The following SRL variants were observed in gnomAD, a reference collection of about 807,000 sequenced individuals.
SRL encodes sarcalumenin.
A neutral mutation model predicts 39.5 loss-of-function variants in SRL; 23 were observed. The observed-to-expected ratio is 0.58, with a 90% CI of 0.42 to 0.82. The LOEUF (loss-of-function observed/expected upper bound fraction) is 0.82. Ranked by LOEUF, SRL falls within the 40% of genes least tolerant of loss-of-function variation. The pLI is 0.00. For synonymous variants in SRL, 272 were observed against 237.4 expected, an observed-to-expected ratio of 1.15 and a Z score of -1.34; for missense variants, 592 against 607.8, an observed-to-expected ratio of 0.97 and a Z score of 0.27.
intron 3 of SRL, among the ~76,000 whole-genome samples, chr16:4,200,232 A>G (rs1426118357): frequency 1.3e-5 from 2 of 152,226 alleles, no homozygotes; most frequent in African/African-American, 2.4e-5. Flanking sequence ...GCTGGGGGCC[A>G]GGAAGGGATA....
At chr16:4,213,080 C>T (rs190775088) in intron 1 of SRL, among the ~76,000 whole-genome samples, 1 of 152,088 alleles carries the variant, frequency 6.6e-6, no homozygotes, top group African/African-American at 2.4e-5. Context: ...AATATATGAA[C>T]CTTAGTCTGG....
intron 1 of SRL, among the ~76,000 whole-genome samples, chr16:4,223,552 A>T (rs1387261987): frequency 1.1e-4 from 16 of 143,670 alleles, no homozygotes; most frequent in Non-Finnish European, 1.8e-4. Flanking sequence ...AGGTTTTTAA[A>T]TTTTTTTTTT....
rs183497865 is a variant in SRL, at chr16:4,202,193, T to C, written c.259+973A>G. Among the ~76,000 whole-genome samples the C allele has an allele frequency of 2.2e-3, 339 of 152,298 alleles. 2 individuals are homozygous for C. Among genetic ancestry groups the C allele is most frequent in the African/African-American group, 7.9e-3 (328 of 41,564 alleles). On this transcript the variant is annotated intron_variant, in intron 3 of 5. Coordinates refer to ENST00000399609, the MANE Select transcript of SRL (RefSeq NM_001098814.2). Reference sequence around the variant, plus strand: ...ACACAGCTCACCTAACAGGATCCCATGTTTGTAAAAACAAAAAACAACATC... The same window carrying C: ...ACACAGCTCACCTAACAGGATCCCACGTTTGTAAAAACAAAAAACAACATC...
chr16:4,224,402 T>G (rs1485770298), intron 1 of SRL, among the ~76,000 whole-genome samples: 1 of 151,970 alleles, frequency 6.6e-6, no homozygotes, highest in Non-Finnish European at 1.5e-5. Context: ...TACAAGATAT[T>G]TCTAATTATA....
chr16:4,202,541 C>T (rs57035656), intron 3 of SRL, among the ~76,000 whole-genome samples: 7,424 of 150,510 alleles, frequency 0.049, 616 homozygotes, highest in African/African-American at 0.17. Context: ...TGCAGTGAGC[C>T]GAGATTGCGC....
At chr16:4,218,957 C>A (rs1239545910) in intron 1 of SRL, among the ~76,000 whole-genome samples, 6 of 152,272 alleles carry the variant, frequency 3.9e-5, no homozygotes. Context: ...ATTTTTCAAC[C>A]TTCTTTCCCA....
chr16:4,192,087 AG>A lies in SRL; in HGVS notation c.*65del, dbSNP rs1463029789. ...GTGTGGCTCAAAGGGTTAATAAACC[AG>A]GACCTCTCAGACAGTTAGGACACAA... On this transcript the variant is annotated 3_prime_UTR_variant, in exon 6 of 6. Coordinates refer to ENST00000399609, the MANE Select transcript of SRL (RefSeq NM_001098814.2). This position sits in a 1 kb window ranked among gnomAD's most constrained non-coding sequence, Gnocchi z 4.0. The A allele has an allele frequency of 6.8e-7, 1 of 1,475,582 alleles. No individual in the cohort carries two copies. Among genetic ancestry groups the A allele is most frequent in the Non-Finnish European group, 9.1e-7 (1 of 1,096,964 alleles). The allele number at this position is 1,475,582 out of a possible 1,614,324, so 91.4% of individuals were successfully genotyped here.
intron 1 of SRL, chr16:4,208,020 T>A (rs1487794352): frequency 2.2e-6 from 1 of 456,592 alleles, no homozygotes; most frequent in Non-Finnish European, 4.4e-6. Context: ...TTCTTTCTCC[T>A]CTAGACTTGC....
intron 1 of SRL, among the ~76,000 whole-genome samples, chr16:4,235,854 C>T (rs752728943): frequency 1.3e-5 from 2 of 152,228 alleles, no homozygotes; most frequent in East Asian, 1.9e-4. Flanking sequence ...CTTGGGAGGC[C>T]GAGGTGAGCG....
chr16:4,218,419 A>T (rs2052485655), intron 1 of SRL, among the ~76,000 whole-genome samples: 1 of 152,038 alleles, frequency 6.6e-6, no homozygotes, highest in South Asian at 2.1e-4. Flanking sequence ...CCTCATCCTC[A>T]TGGTAAGTGA....
intron 1 of SRL, 33 bp downstream of exon 1, chr16:4,241,974 G>C (rs1407502613): frequency 6.2e-7 from 1 of 1,612,824 alleles, no homozygotes; most frequent in African/African-American, 1.3e-5. Context: ...TGGGGGACCA[G>C]TCTGGGCTGG....
chr16:4,238,606 C>T (rs887910859), intron 1 of SRL, among the ~76,000 whole-genome samples: 1 of 151,836 alleles, frequency 6.6e-6, no homozygotes, highest in African/African-American at 2.4e-5. Context: ...TTCCACAGGC[C>T]ACCATGCCCG....
chr16:4,224,055 G>A (rs2052560092), intron 1 of SRL, among the ~76,000 whole-genome samples: 1 of 151,984 alleles, frequency 6.6e-6, no homozygotes, highest in Non-Finnish European at 1.5e-5. Flanking sequence ...TACCATGGAT[G>A]GAACTCTAGT....
chr16:4,240,242 A>T (rs1228021903), intron 1 of SRL, among the ~76,000 whole-genome samples: 4 of 152,156 alleles, frequency 2.6e-5, no homozygotes, highest in Admixed American at 2.6e-4. Flanking sequence ...GAAAGAGGTC[A>T]GGAGCCAAGA....
intron 5 of SRL, among the ~76,000 whole-genome samples, chr16:4,194,673 C>T (rs1285788299): frequency 6.6e-6 from 1 of 152,170 alleles, no homozygotes; most frequent in Non-Finnish European, 1.5e-5. Context: ...CTCAGAGCTG[C>T]TTGCAGAGAG....
At chr16:4,234,025 C>T (rs545991904) in intron 1 of SRL, among the ~76,000 whole-genome samples, 3 of 152,154 alleles carry the variant, frequency 2.0e-5, no homozygotes, top group Non-Finnish European at 2.9e-5. Flanking sequence ...TATGGGGTCT[C>T]GCTCTGTTGC....
Position 4,192,759 on chromosome 16 carries a change from G to C in SRL, c.816C>G (p.Leu272=). 1 of 1,614,192 alleles carries C rather than the reference G, an allele frequency of 6.2e-7. No homozygotes were observed. The highest frequency in any genetic ancestry group is 8.5e-7 in the Non-Finnish European group (1 of 1,180,042). Residue 272 remains leucine, a synonymous_variant, in exon 6 of 6, where the codon CTC becomes CTG. Coordinates refer to ENST00000399609, the MANE Select transcript of SRL (RefSeq NM_001098814.2). The surrounding 1 kb of genome is among the most constrained non-coding windows in gnomAD (Gnocchi z 4.0). ...TGATGAGAGGGGCCAAGCTCCAGAA[G>C]AGGGCCCCGTAAACCCGCATGAGCA... is the stretch of plus-strand genomic sequence containing the variant. The part of the protein sequence containing the change: ...TQMLMRVYGA[L]FWSLAPLINV...
At position 4,192,631 on chromosome 16, in the gene SRL, A is replaced by G; in HGVS notation, c.944T>C (p.Leu315Pro). ...ELFLQEEISL[L>P]EDLNQVIENR... is the part of the protein sequence containing the mutation. ...CTCGATCACCTGATTCAGGTCTTCT[A>G]GGAGGGAGATCTCTTCTTGGAGGAA... The change falls in exon 6 of 6, where the codon CTA becomes CCA. Residue 315 changes from leucine to proline, a missense_variant. Coordinates refer to ENST00000399609, the MANE Select transcript of SRL (RefSeq NM_001098814.2). The surrounding 1 kb of genome is among the most constrained non-coding windows in gnomAD (Gnocchi z 4.0). 6.2e-7 allele frequency: 1 copy of G among 1,614,038 alleles called. No individual in the cohort carries two copies. Among genetic ancestry groups the G allele is most frequent in the Non-Finnish European group, 8.5e-7 (1 of 1,179,990 alleles).
At chr16:4,205,388 C>T (rs1282080433) in intron 1 of SRL, among the ~76,000 whole-genome samples, 1 of 152,074 alleles carries the variant, frequency 6.6e-6, no homozygotes, top group African/African-American at 2.4e-5. Context: ...TGAACCCCAG[C>T]CTGGGCAAAA....
Sources: gnomAD v4.1 joint callset for allele counts (sites outside exome capture counted in the v4.1 genomes callset) on GRCh38, gnomAD v4.1.1 for gene constraint, Gnocchi (gnomAD v3.1) non-coding constraint, MANE v1.5 for transcripts, NCBI Gene and HGNC (gene_info 2026-07-23, HGNC 2026-07-21) for gene names.